FRY: variants seen among roughly 807,000 people sequenced by gnomAD.
FRY encodes the protein FRY microtubule binding protein.
FRY carries 128 observed loss-of-function variants against 348.4 expected under a neutral mutation model. The ratio of observed to expected loss-of-function variants is 0.37; its 90% CI spans 0.32 to 0.43. The LOEUF (loss-of-function observed/expected upper bound fraction) is 0.43, where lower values mean the gene tolerates loss of function less well. FRY is among the 20% of genes least tolerant of loss of function. The pLI is 1.00. For synonymous variants in FRY, 1,370 were observed against 1,374.7 expected (o/e 1.00, Z 0.08); for missense variants, 2,736 against 3,695.2 (o/e 0.74, Z 6.73).
intron 1 of FRY, among the ~76,000 whole-genome samples, chr13:32,051,709 A>G (rs1873339453): frequency 2.0e-5 from 3 of 152,244 alleles, no homozygotes; most frequent in Admixed American, 1.3e-4. Flanking sequence ...CAACAAATCA[A>G]CCAATATTCA....
intron 31 of FRY, among the ~76,000 whole-genome samples, chr13:32,204,168 C>T (rs715128): frequency 0.41 from 61,827 of 151,972 alleles, 12,769 homozygotes; most frequent in Admixed American, 0.43. Flanking sequence ...GGGCAAGTCA[C>T]AGAACCTCTA....
At position 32,275,143 on chromosome 13, in the gene FRY, C is replaced by T. The variant is rs537888851; in HGVS notation, c.8286+152C>T. The stretch of plus-strand genomic sequence containing the variant: ...CCTGTAATCCCAGCACTTTGGGAGG[C>T]CGAGGTGGGCGGATCACAAGGTCAG... On this transcript the variant is annotated intron_variant, in intron 56 of 60. Transcript: ENST00000542859. 1.8e-5 allele frequency: 12 copies of T among 658,906 alleles called. No homozygotes were observed. In the Admixed American group the frequency reaches 2.1e-4, roughly 11 times the overall value. The allele number at this position is 658,906 out of a possible 1,614,324, so 40.8% of individuals were successfully genotyped here. A position where few individuals can be genotyped will look rare whatever the true frequency, so the allele number is the denominator to read the frequency against.
At chr13:32,118,102 A>G (rs1878422974) in intron 4 of FRY, among the ~76,000 whole-genome samples, 1 of 152,188 alleles carries the variant, frequency 6.6e-6, no homozygotes, top group Non-Finnish European at 1.5e-5. Flanking sequence ...GGAGCATATC[A>G]GCATCTGTAA....
chr13:32,050,087 C>G (rs1873243904), intron 1 of FRY, among the ~76,000 whole-genome samples: 1 of 152,170 alleles, frequency 6.6e-6, no homozygotes, highest in Non-Finnish European at 1.5e-5. Context: ...CCTATACATT[C>G]ATTTTATAGT....
At chr13:32,140,252 C>G (rs545534128) in intron 11 of FRY, among the ~76,000 whole-genome samples, 2 of 152,324 alleles carry the variant, frequency 1.3e-5, no homozygotes, top group South Asian at 2.1e-4. Context: ...ACGGGCTACA[C>G]TGAGTTTCCT....
At chr13:32,277,250 A>C (rs938489740) in intron 57 of FRY, among the ~76,000 whole-genome samples, 1 of 152,240 alleles carries the variant, frequency 6.6e-6, no homozygotes, top group Non-Finnish European at 1.5e-5. Flanking sequence ...ATCACAGCTC[A>C]GTTATTTAAC....
rs1169223145 is a variant in FRY at position 32,294,509 on chromosome 13, A to T, written c.8722A>T (p.Met2908Leu). 6.2e-7 allele frequency: 1 copy of T among 1,614,142 alleles called. No homozygotes were observed. Among genetic ancestry groups the T allele is most frequent in the East Asian group, 2.2e-5 (1 of 44,886 alleles). ...GTCCACTGAAGCAGCCATCCAGTCC[A>T]TGCTGGAGTGCCTGAAGAACAACGA... ...FTSTEAAIQSMLECLKNNELG... is the reference protein window; with the variant it reads ...FTSTEAAIQSLLECLKNNELG... The change falls in exon 60 of 61, where the codon ATG becomes TTG. Residue 2908 changes from methionine (M) to leucine (L), a missense_variant. Physicochemically the swap from Met to Leu is conservative, Grantham distance 15. Around this residue, in one of 9 missense-constraint regions of FRY, gnomAD observed 157 missense variants for 215.2 expected, o/e 0.73. Transcript: ENST00000542859.
chr13:32,257,731 C>G (rs1489218257), intron 51 of FRY, among the ~76,000 whole-genome samples: 1 of 152,326 alleles, frequency 6.6e-6, no homozygotes, highest in East Asian at 1.9e-4. Context: ...TATCCCAGCT[C>G]TATCATCCAC....
chr13:32,127,849 A>G (rs1487122093), intron 7 of FRY, among the ~76,000 whole-genome samples: 1 of 152,164 alleles, frequency 6.6e-6, no homozygotes. Flanking sequence ...CCACTAACTC[A>G]TGAGAATATT....
intron 7 of FRY, 57 bp downstream of exon 7, chr13:32,124,932 C>A: frequency 7.8e-7 from 1 of 1,277,284 alleles, no homozygotes; most frequent in Non-Finnish European, 1.1e-6. Flanking sequence ...ACTGTCCTTC[C>A]AGCCCTAATT....
At chr13:32,238,122 C>T (rs1245111381) in intron 44 of FRY, 136 bp downstream of exon 44, 3 of 935,440 alleles carry the variant, frequency 3.2e-6, no homozygotes, top group Non-Finnish European at 3.4e-6. Flanking sequence ...TTTATTTTTT[C>T]TCATAAAATT....
intron 1 of FRY, among the ~76,000 whole-genome samples, chr13:32,044,794 G>A (rs1383690528): frequency 6.6e-6 from 1 of 152,188 alleles, no homozygotes; most frequent in Non-Finnish European, 1.5e-5. Flanking sequence ...TGATAGACTT[G>A]CTGCTTCCAG....
intron 24 of FRY, 30 bp downstream of exon 24, chr13:32,183,064 T>A: frequency 7.3e-7 from 1 of 1,368,262 alleles, no homozygotes; most frequent in Non-Finnish European, 1.0e-6. Flanking sequence ...AAATTAAGGC[T>A]TGGTTTTTTG....
At chr13:32,074,209 C>T (rs886194077) in intron 1 of FRY, among the ~76,000 whole-genome samples, 4 of 151,992 alleles carry the variant, frequency 2.6e-5, no homozygotes, top group South Asian at 2.1e-4. Flanking sequence ...CCAGTGAACA[C>T]GGGAAAACAC....
At chr13:32,122,258 A>G (rs1878707461) in intron 4 of FRY, among the ~76,000 whole-genome samples, 1 of 152,060 alleles carries the variant, frequency 6.6e-6, no homozygotes, top group African/African-American at 2.4e-5. Flanking sequence ...CCTGGCTAAC[A>G]CAGTGAAACC....
At chr13:32,102,086 C>T in intron 3 of FRY, 70 bp downstream of exon 3, 1 of 876,416 alleles carries the variant, frequency 1.1e-6, no homozygotes, top group Admixed American at 1.7e-5. Flanking sequence ...GGTCTGCATG[C>T]TCACTATTGT....
intron 1 of FRY, among the ~76,000 whole-genome samples, chr13:32,033,127 G>A (rs1355685025): frequency 6.6e-6 from 1 of 152,134 alleles, no homozygotes; most frequent in Non-Finnish European, 1.5e-5. Flanking sequence ...TTCTACAAGT[G>A]GGAAGCCATT....
chr13:32,247,432 A>G lies in FRY; in HGVS notation c.6938A>G (p.His2313Arg), dbSNP rs912935941. 3.1e-6 allele frequency: 5 copies of G among 1,613,578 alleles called. No homozygotes were observed. The South Asian group carries it at 3.3e-5, about 11-fold the overall frequency. Residue 2313 changes from histidine (H) to arginine (R), a missense_variant, in exon 48 of 61, where the codon CAT becomes CGT. His to Arg is a conservative substitution (Grantham distance 29). This residue lies in a region of FRY where 789 missense variants were observed against 996.2 expected (regional missense o/e 0.79). Coordinates refer to ENST00000542859, the MANE Select transcript of FRY (RefSeq NM_023037.3). Reference protein sequence around the residue: ...QHSDLSKIEIHRVWTSASKEL... With the variant: ...QHSDLSKIEIRRVWTSASKEL... The stretch of plus-strand genomic sequence containing the variant: ...AGTGACCTCTCAAAAATAGAAATAC[A>G]TCGAGTGTGGACTAGTGCTTCCAAG...
At chr13:32,174,446 C>A (rs1882261579) in intron 19 of FRY, among the ~76,000 whole-genome samples, 1 of 152,020 alleles carries the variant, frequency 6.6e-6, no homozygotes, top group Admixed American at 6.6e-5. Flanking sequence ...TAATAATTAC[C>A]ATGTATGTGT....
Sources: allele counts gnomAD v4.1 joint callset (sites outside exome capture counted in the v4.1 genomes callset), GRCh38; gene constraint gnomAD v4.1.1; regional missense constraint gnomAD v4.1.1; transcripts MANE v1.5; gene names NCBI Gene and HGNC (gene_info 2026-07-23, HGNC 2026-07-21).